Variants in KIF20B observed in about 807,000 individuals in gnomAD.
KIF20B encodes kinesin family member 20B, also known as kinesin-like protein KIF20B.
A neutral mutation model predicts 232.5 loss-of-function variants in KIF20B; 188 were observed. The ratio of observed to expected loss-of-function variants is 0.81; its 90% CI spans 0.72 to 0.91. The LOEUF is 0.91. KIF20B is among the 40% of genes least tolerant of loss of function. KIF20B has a pLI of 0.00. For missense variants in KIF20B, 2,154 were observed against 2,055.9 expected (o/e 1.05, Z -0.92); for synonymous variants, 712 against 683.0 (o/e 1.04, Z -0.66).
At position 89,714,086 on chromosome 10, in the gene KIF20B, A is replaced by G. The variant is rs773749638; in HGVS notation, c.712+3A>G. On this transcript the variant is annotated splice_donor_region_variant and intron_variant, in intron 7 of 32. Transcript: ENST00000371728. ...TGATAGTGATGATACTCTTTATGGT[A>G]AGGTTTCGTTGCTCACTTATCTTTG... 4.9e-6 allele frequency: 7 copies of G among 1,439,784 alleles called. No individual in the cohort carries two copies. The highest frequency in any genetic ancestry group is 5.6e-6 in the Non-Finnish European group (6 of 1,069,182). The allele number at this position is 1,439,784 out of a possible 1,614,324, so 89.2% of individuals were successfully genotyped here. A position where few individuals can be genotyped will look rare whatever the true frequency, so the allele number is the denominator to read the frequency against.
At chr10:89,720,918 C>T (rs1843042213) in intron 13 of KIF20B, among the ~76,000 whole-genome samples, 1 of 152,144 alleles carries the variant, frequency 6.6e-6, no homozygotes, top group Admixed American at 6.5e-5. Context: ...CCATGTTGGC[C>T]AGGCTGGTCT....
chr10:89,760,612 T>C lies in KIF20B; in HGVS notation c.4767T>C (p.Phe1589=). 1 of 1,608,082 alleles carries C rather than the reference T, an allele frequency of 6.2e-7. No homozygotes were observed. Residue 1589 remains phenylalanine, a synonymous_variant, in exon 28 of 33, where the codon TTT becomes TTC. Coordinates refer to ENST00000371728, the MANE Select transcript of KIF20B (RefSeq NM_001284259.2). ...KLQTEPLSTS[F]EISRNKIEDG... ...AAACTGAACCTCTATCGACAAGTTT[T>C]GAAATTTCCAGAAATAAAATAGAGG...
chr10:89,706,918 A>G (rs1842735033), intron 2 of KIF20B, among the ~76,000 whole-genome samples: 1 of 152,168 alleles, frequency 6.6e-6, no homozygotes, highest in South Asian at 2.1e-4. Flanking sequence ...TTTTAGAATC[A>G]GCTTGCCAGT....
chr10:89,745,705 T>A (rs1841895795), intron 22 of KIF20B, among the ~76,000 whole-genome samples, 194 bp from the exon 23 acceptor site: 1 of 151,796 alleles, frequency 6.6e-6, no homozygotes, highest in Non-Finnish European at 1.5e-5. Flanking sequence ...CTACTTCTTC[T>A]TTCCCCTGCT....
chr10:89,736,138 C>CAACATAT (rs1841647445), intron 19 of KIF20B, among the ~76,000 whole-genome samples: 1 of 151,986 alleles, frequency 6.6e-6, no homozygotes, highest in African/African-American at 2.4e-5. Flanking sequence ...AGTCTACTTG[C>CAACATAT]AAACATCATA....
In KIF20B at chr10:89,719,675, A is replaced by G. The variant is rs779378406; in HGVS notation, c.1691A>G (p.Asn564Ser). 1 of 1,608,394 alleles carries G rather than the reference A, an allele frequency of 6.2e-7. No individual in the cohort carries two copies. ...GATCTAGATAAAACATTAGAGGAAA[A>G]TAAGGCTTTCATTAGCCACGAGGAG... ...DEDLDKTLEE[N>S]KAFISHEEKR... is the part of the protein sequence containing the mutation. The change falls in exon 13 of 33, where the codon AAT (asparagine) becomes AGT (serine). Residue 564 changes from asparagine (N) to serine (S), a missense_variant. Physicochemically the swap from Asn to Ser is conservative, Grantham distance 46. Transcript: ENST00000371728.
Position 89,711,092 on chromosome 10 carries a change from CAA to C in KIF20B, c.623_624del (p.Gln208ArgfsTer7). 2 of 1,576,930 alleles carry C rather than the reference CAA, an allele frequency of 1.3e-6. No individual in the cohort carries two copies. Among genetic ancestry groups the C allele is most frequent in the Non-Finnish European group, 1.7e-6 (2 of 1,160,494 alleles). On this transcript the variant is annotated frameshift_variant, in exon 6 of 33. Transcript: ENST00000371728. LOFTEE classifies it high-confidence loss of function. ...AGAATACTTAAGGTTATCATCAGAACAAGAGAAAGAAGAAATTGCTAGCAAAA... is the reference window on the plus strand; with the variant it reads ...AGAATACTTAAGGTTATCATCAGAACGAGAAAGAAGAAATTGCTAGCAAAA... ...SREYLRLSSE[Q>X]EKEEIASKSA...
At chr10:89,733,170 T>C (rs1843367085) in intron 19 of KIF20B, 114 bp downstream of exon 19, 1 of 1,053,182 alleles carries the variant, frequency 9.5e-7, no homozygotes, top group Admixed American at 2.4e-5. Flanking sequence ...CTTGAGAAAA[T>C]CTAAACGTCT....
At chr10:89,730,884 T>C (rs1843302898) in intron 18 of KIF20B, among the ~76,000 whole-genome samples, 1 of 152,000 alleles carries the variant, frequency 6.6e-6, no homozygotes, top group Admixed American at 6.6e-5. Context: ...GAAGATAGGA[T>C]TGAGATGGAA....
Position 89,719,614 on chromosome 10 carries a change from G to A in KIF20B, c.1630G>A (p.Glu544Lys). Residue 544 changes from glutamate (E) to lysine (K), a missense_variant, in exon 13 of 33, where the codon GAA becomes AAA. Transcript: ENST00000371728. ...GGTTGAGGAGCTAGAAAACGCTGAA[G>A]AAACTCAAAATGTGGAAACTAAACT... ...DLVEELENAE[E>K]TQNVETKLLD... 6.2e-7 allele frequency: 1 copy of A among 1,613,276 alleles called. No homozygotes were observed. Among genetic ancestry groups the A allele is most frequent in the Non-Finnish European group, 8.5e-7 (1 of 1,179,482 alleles).
At chr10:89,746,325 T>G (rs7912347) in intron 23 of KIF20B, among the ~76,000 whole-genome samples, 47,448 of 152,068 alleles carry the variant, frequency 0.31, 8,383 homozygotes, top group African/African-American at 0.47. Context: ...CATGGGCGTG[T>G]AGAAGGTTTT....
Position 89,709,226 on chromosome 10 carries a change from ACAGT to A in KIF20B, c.211_214del (p.Ser71LysfsTer20), listed in dbSNP as rs1842788517. ...TTTGTCTTCGAATAAGACCATTTAC[ACAGT>A]CAGAAAAAGAACTTGAGTCTGAGGT... On this transcript the variant is annotated frameshift_variant, in exon 3 of 33. Coordinates refer to ENST00000371728, the MANE Select transcript of KIF20B (RefSeq NM_001284259.2). LOFTEE classifies it high-confidence loss of function. 1 of 1,610,726 alleles carries A rather than the reference ACAGT, an allele frequency of 6.2e-7. No individual in the cohort carries two copies. Among genetic ancestry groups the A allele is most frequent in the Admixed American group, 1.7e-5 (1 of 59,828 alleles).
chr10:89,701,925 G>A lies in KIF20B; in HGVS notation c.-2+245G>A, dbSNP rs572434992. On this transcript the variant is annotated intron_variant, in intron 1 of 32. Coordinates refer to ENST00000371728, the MANE Select transcript of KIF20B (RefSeq NM_001284259.2). ...CTCCACTGCTAATTAGCTGAGTGAC[G>A]CAAGACAATTCATTTAATCTCTCTC... is the stretch of plus-strand genomic sequence containing the variant. 3.3e-5 allele frequency among the ~76,000 whole-genome samples: 5 copies of A among 152,292 alleles called. No homozygotes were observed. In the South Asian group the frequency reaches 6.2e-4, roughly 19 times the overall value.
chr10:89,702,837 G>C lies in KIF20B; in HGVS notation c.-2+1157G>C, dbSNP rs114423141. On this transcript the variant is annotated intron_variant, in intron 1 of 32. Coordinates refer to ENST00000371728, the MANE Select transcript of KIF20B (RefSeq NM_001284259.2). Reference sequence around the variant, plus strand: ...GGTAGTCTTTATCCCTGCATAAGTCGCTGAATTTGTTATAGGGGATACAGA... The same window carrying C: ...GGTAGTCTTTATCCCTGCATAAGTCCCTGAATTTGTTATAGGGGATACAGA... Among the ~76,000 whole-genome samples, 11 of 151,060 alleles carry C rather than the reference G, an allele frequency of 7.3e-5. No individual in the cohort carries two copies. In the South Asian group the frequency reaches 2.3e-3, roughly 31 times the overall value.
intron 29 of KIF20B, among the ~76,000 whole-genome samples, chr10:89,767,148 A>G (rs1450719680): frequency 6.6e-6 from 1 of 150,450 alleles, no homozygotes; most frequent in African/African-American, 2.4e-5. Flanking sequence ...AAAATCATTT[A>G]TGCAATCCTA....
chr10:89,764,346 A>G (rs1842309003), intron 29 of KIF20B, among the ~76,000 whole-genome samples: 1 of 152,032 alleles, frequency 6.6e-6, no homozygotes, highest in Non-Finnish European at 1.5e-5. Flanking sequence ...GAATAGTGCC[A>G]CAATAAACAT....
At position 89,773,982 on chromosome 10, in the gene KIF20B, C is replaced by T; in HGVS notation, c.5397C>T (p.Asp1799=). The T allele has an allele frequency of 6.4e-7, 1 of 1,553,010 alleles. No homozygotes were observed. The highest frequency in any genetic ancestry group is 8.7e-7 in the Non-Finnish European group (1 of 1,146,946). ...ATTTTTAATTTCAGATTTTAATGGACCAGAAAATGAAGGAGAGTGATCACC... is the reference window on the plus strand; with the variant it reads ...ATTTTTAATTTCAGATTTTAATGGATCAGAAAATGAAGGAGAGTGATCACC... The part of the protein sequence containing the change: ...IDISGQVILM[D]QKMKESDHQI... Residue 1799 remains aspartate, a synonymous_variant, in exon 33 of 33, where the codon GAC becomes GAT. Coordinates refer to ENST00000371728, the MANE Select transcript of KIF20B (RefSeq NM_001284259.2).
In KIF20B at chr10:89,738,278, A is replaced by G. The variant is rs760178295; in HGVS notation, c.3437A>G (p.Lys1146Arg). ...CAAATACAGCATGTAGTTGAAGGAA[A>G]GAGAGCGCTTTCAGAACTTACACAA... is the stretch of plus-strand genomic sequence containing the variant. ...DVQIQHVVEG[K>R]RALSELTQGV... Residue 1146 changes from lysine (K) to arginine (R), a missense_variant, in exon 20 of 33, where the codon AAG (lysine) becomes AGG (arginine). Lys to Arg is a conservative substitution (Grantham distance 26, BLOSUM62 2). Coordinates refer to ENST00000371728, the MANE Select transcript of KIF20B (RefSeq NM_001284259.2). The G allele has an allele frequency of 2.5e-6, 4 of 1,610,694 alleles. No individual in the cohort carries two copies. Among genetic ancestry groups the G allele is most frequent in the African/African-American group, 1.3e-5 (1 of 74,858 alleles).
Position 89,751,463 on chromosome 10 carries a change from T to G in KIF20B, c.4214T>G (p.Leu1405Arg), listed in dbSNP as rs1255364243. ...GCTAAATTAGAGGAAGTTGAAAGGC[T>G]GGCCACAGGTAAAACAAGATTGCTT... ...LEAKLEEVER[L>R]ATELEKWKEK... Residue 1405 changes from leucine to arginine, a missense_variant, in exon 24 of 33, where the codon CTG (leucine) becomes CGG (arginine). Coordinates refer to ENST00000371728, the MANE Select transcript of KIF20B (RefSeq NM_001284259.2). 6.2e-7 allele frequency: 1 copy of G among 1,602,414 alleles called. No homozygotes were observed. Among genetic ancestry groups the G allele is most frequent in the African/African-American group, 1.3e-5 (1 of 74,422 alleles).
Sources: gnomAD v4.1 joint callset for allele counts (sites outside exome capture counted in the v4.1 genomes callset) on GRCh38, gnomAD v4.1.1 for gene constraint, MANE v1.5 for transcripts, NCBI Gene and HGNC (gene_info 2026-07-23, HGNC 2026-07-21) for gene names.